Variants in CPEB3 observed in about 807,000 individuals in gnomAD.
The protein encoded by CPEB3 is cytoplasmic polyadenylation element binding protein 3, also known as cytoplasmic polyadenylation element-binding protein 3.
In CPEB3, 20 loss-of-function variants were observed where a neutral mutation model predicts 67.2. The ratio of observed to expected loss-of-function variants is 0.30; its 90% CI spans 0.21 to 0.43. The LOEUF (loss-of-function observed/expected upper bound fraction) is 0.43. CPEB3 is among the 20% of genes least tolerant of loss of function. The probability of loss-of-function intolerance (pLI) is 1.00; values close to 1 mark genes in which losing one functional copy is unlikely to be tolerated. For synonymous variants in CPEB3, 376 were observed against 393.1 expected, an observed-to-expected ratio of 0.96 and a Z score of 0.51; for missense variants, 746 against 968.6, an observed-to-expected ratio of 0.77 and a Z score of 3.05.
At chr10:92,117,324 CTTTTTTTT>C (rs35220275) in intron 6 of CPEB3, among the ~76,000 whole-genome samples, 2 of 79,956 alleles carry the variant, frequency 2.5e-5, no homozygotes, top group Non-Finnish European at 4.5e-5. Context: ...GCCTGGCTGA[CTTTTTTTT>C]TTTTTTTTTT....
At chr10:92,288,454 C>CAAA (rs367876455) in intron 1 of CPEB3, among the ~76,000 whole-genome samples, 2 of 112,982 alleles carry the variant, frequency 1.8e-5, no homozygotes, top group African/African-American at 3.5e-5. Flanking sequence ...GACTCTGTCT[C>CAAA]AAAAAAAAAA....
chr10:92,069,347 T>TA (rs1842667907), intron 9 of CPEB3, among the ~76,000 whole-genome samples: 1 of 152,164 alleles, frequency 6.6e-6, no homozygotes, highest in African/African-American at 2.4e-5. Context: ...GGTCATTAAA[T>TA]AAAAAATTGA....
intron 1 of CPEB3, among the ~76,000 whole-genome samples, chr10:92,252,899 T>C (rs890163034): frequency 6.6e-6 from 1 of 152,028 alleles, no homozygotes; most frequent in Non-Finnish European, 1.5e-5. Context: ...AAAAAGTATA[T>C]ACTATATGCT....
chr10:92,104,894 A>ATT (rs1844368606), intron 7 of CPEB3, among the ~76,000 whole-genome samples: 1 of 151,950 alleles, frequency 6.6e-6, no homozygotes, highest in Non-Finnish European at 1.5e-5. Flanking sequence ...CCGAACCATG[A>ATT]TTTCTTTTCT....
chr10:92,168,445 T>C (rs1462524215), intron 4 of CPEB3, among the ~76,000 whole-genome samples: 1 of 152,194 alleles, frequency 6.6e-6, no homozygotes, highest in Non-Finnish European at 1.5e-5. Context: ...TTCTAGTGTG[T>C]TTTTTTCAAA....
At chr10:92,257,858 T>A (rs1287855427) in intron 1 of CPEB3, among the ~76,000 whole-genome samples, 1 of 150,750 alleles carries the variant, frequency 6.6e-6, no homozygotes, top group Non-Finnish European at 1.5e-5. Flanking sequence ...GCCCCCTGAG[T>A]AGCTGGGATC....
chr10:92,132,477 A>C lies in CPEB3; in HGVS notation c.1453+10552T>G, dbSNP rs190305241. 8.5e-5 allele frequency among the ~76,000 whole-genome samples: 13 copies of C among 152,304 alleles called. No individual in the cohort carries two copies. In the East Asian group the frequency reaches 2.5e-3, roughly 29 times the overall value. ...TTCTTATTGTCTTGCAGCGGGAAAAATCTTTTAAGGCATGTCATAAATATT... is the reference window on the plus strand; with the variant it reads ...TTCTTATTGTCTTGCAGCGGGAAAACTCTTTTAAGGCATGTCATAAATATT... On this transcript the variant is annotated intron_variant, in intron 6 of 9. Coordinates refer to ENST00000265997, the MANE Select transcript of CPEB3 (RefSeq NM_014912.5).
rs893069764 is a variant in CPEB3, at chr10:92,212,703, C to A, written c.1006-20067G>T. Among the ~76,000 whole-genome samples the A allele has an allele frequency of 9.2e-5, 14 of 152,234 alleles. No homozygotes were observed. In the South Asian group the frequency reaches 2.3e-3, roughly 25 times the overall value. On this transcript the variant is annotated intron_variant, in intron 2 of 9. Transcript: ENST00000265997. ...TAGTACAAAAAAAAGTAAAACATCT[C>A]ATTAATAATTTTTGTATTGATCATG...
chr10:92,060,397 C>T (rs1285101655), intron 9 of CPEB3, among the ~76,000 whole-genome samples: 2 of 151,928 alleles, frequency 1.3e-5, no homozygotes, highest in African/African-American at 4.8e-5. Flanking sequence ...AATCTAAGAC[C>T]TCAAACTATG....
chr10:92,053,114 T>C (rs928779751), intron 9 of CPEB3, among the ~76,000 whole-genome samples: 1 of 152,218 alleles, frequency 6.6e-6, no homozygotes, highest in Non-Finnish European at 1.5e-5. Flanking sequence ...GCTGAGGTGT[T>C]AAGAAGCTAC....
intron 4 of CPEB3, among the ~76,000 whole-genome samples, chr10:92,150,798 C>A (rs200175618): frequency 2.6e-5 from 4 of 151,844 alleles, no homozygotes; most frequent in Admixed American, 2.0e-4. Context: ...ATGTGTTAAG[C>A]AAGCCACATT....
intron 8 of CPEB3, among the ~76,000 whole-genome samples, chr10:92,087,935 A>G (rs1011305736): frequency 1.3e-5 from 2 of 152,178 alleles, no homozygotes; most frequent in Non-Finnish European, 2.9e-5. Flanking sequence ...ACATGGTGGC[A>G]CGGTGAGTCT....
At chr10:92,190,309 TAC>T (rs1848906488) in intron 3 of CPEB3, among the ~76,000 whole-genome samples, 1 of 151,208 alleles carries the variant, frequency 6.6e-6, no homozygotes, top group Admixed American at 6.6e-5. Flanking sequence ...AGTTACCCTG[TAC>T]TTGAGTTTTG....
At chr10:92,184,530 G>A (rs376647687) in intron 3 of CPEB3, among the ~76,000 whole-genome samples, 40 of 152,226 alleles carry the variant, frequency 2.6e-4, no homozygotes, top group African/African-American at 9.6e-4. Context: ...GCTTAAACCT[G>A]GGAGGTGGAG....
chr10:92,188,320 TAAAAAAAAAA>T (rs756970118), intron 3 of CPEB3, among the ~76,000 whole-genome samples: 260 of 37,008 alleles, frequency 7.0e-3, no homozygotes, highest in African/African-American at 0.027. Flanking sequence ...TAAGACATAG[TAAAAAAAAAA>T]AAAAAAAAAA....
chr10:92,212,435 G>C (rs1850144010), intron 2 of CPEB3, among the ~76,000 whole-genome samples: 2 of 151,712 alleles, frequency 1.3e-5, no homozygotes, highest in African/African-American at 4.8e-5. Flanking sequence ...TTTTAATAGA[G>C]ATGGGGTTTC....
intron 9 of CPEB3, among the ~76,000 whole-genome samples, chr10:92,064,434 T>C (rs1324577360): frequency 2.0e-5 from 3 of 152,162 alleles, no homozygotes; most frequent in Non-Finnish European, 4.4e-5. Context: ...CATAATCACA[T>C]TGTTGGGGTA....
chr10:92,115,383 A>G (rs1844968278), intron 6 of CPEB3, among the ~76,000 whole-genome samples: 1 of 151,454 alleles, frequency 6.6e-6, no homozygotes, highest in South Asian at 2.1e-4. Flanking sequence ...CAAACACCTG[A>G]CCTTGTGATC....
intron 1 of CPEB3, among the ~76,000 whole-genome samples, chr10:92,282,442 C>T (rs766321687): frequency 3.3e-5 from 5 of 152,108 alleles, no homozygotes; most frequent in Non-Finnish European, 7.4e-5. Context: ...GTAATCCCAG[C>T]ACTTTGGGAG....
Sources: allele counts gnomAD v4.1 joint callset (sites outside exome capture counted in the v4.1 genomes callset), GRCh38; gene constraint gnomAD v4.1.1; transcripts MANE v1.5; gene names NCBI Gene and HGNC (gene_info 2026-07-23, HGNC 2026-07-21).